KSR1: variants seen among roughly 807,000 people sequenced by gnomAD.
The protein encoded by KSR1 is kinase suppressor of ras 1.
Under a neutral mutation model 92.9 loss-of-function variants are expected in KSR1, and 35 were observed. The observed-to-expected ratio is 0.38, with a 90% CI of 0.29 to 0.50. KSR1 has a LOEUF of 0.50. Among genes scored for constraint, KSR1 ranks in the 20% least tolerant of loss-of-function variants. KSR1 has a pLI of 0.94. For missense variants in KSR1, 972 were observed against 1,158.5 expected, an observed-to-expected ratio of 0.84 and a Z score of 2.34; for synonymous variants, 467 against 472.6, an observed-to-expected ratio of 0.99 and a Z score of 0.15.
chr17:27,474,294 A>C (rs1426443631), intron 1 of KSR1, among the ~76,000 whole-genome samples: 3 of 152,254 alleles, frequency 2.0e-5, no homozygotes, highest in Non-Finnish European at 4.4e-5. Context: ...GGCCCCTGTC[A>C]CCCTGTGGCT....
chr17:27,469,245 T>C (rs939376074), intron 1 of KSR1, among the ~76,000 whole-genome samples: 1 of 152,226 alleles, frequency 6.6e-6, no homozygotes, highest in Non-Finnish European at 1.5e-5. Flanking sequence ...CACTTTCTCA[T>C]TTCTTTTCTC....
At chr17:27,586,282 G>A (rs1356882771) in intron 5 of KSR1, among the ~76,000 whole-genome samples, 1 of 152,214 alleles carries the variant, frequency 6.6e-6, no homozygotes, top group Admixed American at 6.5e-5. Context: ...CCTCTCTCAT[G>A]AGTCAGAGCG....
intron 2 of KSR1, among the ~76,000 whole-genome samples, chr17:27,556,697 A>G (rs1318575580): frequency 1.3e-5 from 2 of 152,220 alleles, no homozygotes; most frequent in Admixed American, 1.3e-4. Flanking sequence ...CCCACAGAAG[A>G]AGACTCAGAG....
At chr17:27,468,112 C>T (rs546638597) in intron 1 of KSR1, among the ~76,000 whole-genome samples, 39 of 151,158 alleles carry the variant, frequency 2.6e-4, no homozygotes, top group Middle Eastern at 3.5e-3. Flanking sequence ...CCACTGCGCC[C>T]GGCCATATTT....
chr17:27,510,739 T>C (rs1597913136), intron 1 of KSR1, among the ~76,000 whole-genome samples: 1 of 152,230 alleles, frequency 6.6e-6, no homozygotes, highest in Non-Finnish European at 1.5e-5. Context: ...ATGATGTGCT[T>C]GGCAGAAGCC....
At chr17:27,550,973 C>T (rs1223975343) in intron 2 of KSR1, among the ~76,000 whole-genome samples, 2 of 152,292 alleles carry the variant, frequency 1.3e-5, no homozygotes, top group South Asian at 2.1e-4. Flanking sequence ...CAACAGCCAA[C>T]GTATCTGGAA....
chr17:27,464,111 G>T (rs1425245053), intron 1 of KSR1, among the ~76,000 whole-genome samples: 3 of 152,148 alleles, frequency 2.0e-5, no homozygotes, highest in Non-Finnish European at 2.9e-5. Context: ...TGTTGACTGA[G>T]GGTGAGCCAC....
intron 20 of KSR1, 57 bp from the exon 21 acceptor site, chr17:27,623,257 C>A (rs1414379244): frequency 2.7e-6 from 2 of 736,162 alleles, no homozygotes; most frequent in East Asian, 5.0e-5. Context: ...CTAGTGTTAC[C>A]CTAATTCTGA....
rs2073916287 is a variant in KSR1 at position 27,611,494 on chromosome 17, G to C, written c.2358G>C (p.Gly786=). 6.2e-7 allele frequency: 1 copy of C among 1,613,822 alleles called. No individual in the cohort carries two copies. The highest frequency in any genetic ancestry group is 1.7e-4 in the Middle Eastern group (1 of 6,056). ...FSKAADVYAF[G]TVWYELQARD... ...CACAGACATGGCTGGGTCTCTGCAG[G>C]ACTGTTTGGTATGAGCTGCAAGCAA... Residue 786 remains glycine, a splice_region_variant and synonymous_variant, in exon 18 of 21, where the codon GGG becomes GGC. Transcript: ENST00000644974.
chr17:27,570,082 G>T (rs2151136201), intron 2 of KSR1, among the ~76,000 whole-genome samples: 1 of 152,310 alleles, frequency 6.6e-6, no homozygotes, highest in East Asian at 1.9e-4. Flanking sequence ...AAGGGAACAT[G>T]GAGAGACCTC....
At chr17:27,590,725 G>T in intron 6 of KSR1, 86 bp from the exon 7 acceptor site, 1 of 1,258,122 alleles carries the variant, frequency 7.9e-7, no homozygotes, top group Non-Finnish European at 1.1e-6. Flanking sequence ...ACTCCCAGTT[G>T]CCCTGGAGCT....
intron 9 of KSR1, among the ~76,000 whole-genome samples, chr17:27,596,936 A>C (rs1348630953): frequency 6.6e-6 from 1 of 152,368 alleles, no homozygotes; most frequent in East Asian, 1.9e-4. Flanking sequence ...GGACATCTGC[A>C]GTAGACACGG....
chr17:27,550,729 C>T lies in KSR1; in HGVS notation c.372+21C>T, dbSNP rs781220812. On this transcript the variant is annotated intron_variant, in intron 2 of 20. Transcript: ENST00000644974. Reference sequence around the variant, plus strand: ...TGCAGGTATGCAAGCTGGTTCTCAGCATAGGGATAGGCATGAGGGGCCAAG... The same window carrying T: ...TGCAGGTATGCAAGCTGGTTCTCAGTATAGGGATAGGCATGAGGGGCCAAG... 3 of 759,584 alleles carry T rather than the reference C, an allele frequency of 3.9e-6. No individual in the cohort carries two copies. The African/African-American group carries it at 5.1e-5, about 13-fold the overall frequency. The allele number at this position is 759,584 out of a possible 1,614,324, so 47.1% of individuals were successfully genotyped here.
At chr17:27,466,488 T>A (rs980139198) in intron 1 of KSR1, among the ~76,000 whole-genome samples, 5 of 152,158 alleles carry the variant, frequency 3.3e-5, no homozygotes, top group South Asian at 2.1e-4. Context: ...ACTTCCTGCC[T>A]CCTCCTGGCC....
chr17:27,516,634 C>T (rs759920515), intron 1 of KSR1, among the ~76,000 whole-genome samples: 1 of 151,930 alleles, frequency 6.6e-6, no homozygotes, highest in Non-Finnish European at 1.5e-5. Flanking sequence ...AATTGAAACA[C>T]TCTTAAAAAT....
At chr17:27,470,728 G>C (rs2019952395) in intron 1 of KSR1, among the ~76,000 whole-genome samples, 1 of 152,054 alleles carries the variant, frequency 6.6e-6, no homozygotes, top group Admixed American at 6.6e-5. Context: ...GTACTCCTGG[G>C]TAAGTATCTC....
intron 9 of KSR1, 100 bp from the exon 10 acceptor site, chr17:27,597,168 C>A: frequency 7.6e-7 from 1 of 1,311,500 alleles, no homozygotes; most frequent in Non-Finnish European, 1.1e-6. Flanking sequence ...ATTCCCTGGG[C>A]TGACTGCTTC....
chr17:27,580,585 G>A lies in KSR1; in HGVS notation c.521-2061G>A, dbSNP rs979715691. Among the ~76,000 whole-genome samples, 12 of 152,238 alleles carry A rather than the reference G, an allele frequency of 7.9e-5. No individual in the cohort carries two copies. In the East Asian group the frequency reaches 2.3e-3, roughly 29 times the overall value. On this transcript the variant is annotated intron_variant, in intron 3 of 20. Coordinates refer to ENST00000644974, the MANE Select transcript of KSR1 (RefSeq NM_001394583.1). Reference sequence around the variant, plus strand: ...AGGTGGGGAGCACGGTGCTGAGATCGATGTTTTCAATTCCCATCCCACCAC... The same window carrying A: ...AGGTGGGGAGCACGGTGCTGAGATCAATGTTTTCAATTCCCATCCCACCAC...
chr17:27,530,247 C>T (rs1410140340), intron 1 of KSR1, among the ~76,000 whole-genome samples: 1 of 152,054 alleles, frequency 6.6e-6, no homozygotes, highest in Non-Finnish European at 1.5e-5. Context: ...GAGTTTGAGA[C>T]CAGCCTGGGC....
Sources: allele counts gnomAD v4.1 joint callset (sites outside exome capture counted in the v4.1 genomes callset), GRCh38; gene constraint gnomAD v4.1.1; transcripts MANE v1.5; gene names NCBI Gene and HGNC (gene_info 2026-07-23, HGNC 2026-07-21).